Variants in IQSEC1 observed in about 807,000 individuals in gnomAD.
The protein encoded by IQSEC1 is IQ motif and SEC7 domain-containing protein 1.
In IQSEC1, 31 loss-of-function variants were observed where a neutral mutation model predicts 91.0. That is an observed-to-expected ratio of 0.34 (90% CI 0.26 to 0.46). The LOEUF (loss-of-function observed/expected upper bound fraction) is 0.46. Ranked by LOEUF, IQSEC1 falls within the 20% of genes least tolerant of loss-of-function variation. The pLI is 1.00. For synonymous variants in IQSEC1, 699 were observed against 662.6 expected (o/e 1.05, Z -0.84); for missense variants, 1,388 against 1,575.6 (o/e 0.88, Z 2.02).
intron 1 of IQSEC1, among the ~76,000 whole-genome samples, chr3:13,170,605 G>A (rs115341420): frequency 0.014 from 2,060 of 152,342 alleles, 23 homozygotes; most frequent in Middle Eastern, 0.031. Context: ...CTTCCAGAGC[G>A]CCAGGGTAAT....
chr3:13,195,565 C>T (rs796967493), intron 1 of IQSEC1, among the ~76,000 whole-genome samples: 16 of 152,300 alleles, frequency 1.1e-4, no homozygotes, highest in African/African-American at 3.8e-4. Context: ...TGGATACACA[C>T]GACAGCTTGG....
intron 2 of IQSEC1, among the ~76,000 whole-genome samples, chr3:13,128,636 C>T (rs1039308265): frequency 6.6e-6 from 1 of 152,050 alleles, no homozygotes; most frequent in African/African-American, 2.4e-5. Flanking sequence ...GAGGCCGAGG[C>T]GGGCGGATCA....
chr3:13,227,390 A>AAAAG (rs1694773417), intron 1 of IQSEC1, among the ~76,000 whole-genome samples: 1 of 150,076 alleles, frequency 6.7e-6, no homozygotes, highest in East Asian at 1.9e-4. Flanking sequence ...AAAAAAAAAA[A>AAAAG]AAAAAAGAAA....
At chr3:12,968,005 A>G (rs1444351849) in intron 1 of IQSEC1, among the ~76,000 whole-genome samples, 1 of 152,204 alleles carries the variant, frequency 6.6e-6, no homozygotes, top group African/African-American at 2.4e-5. Flanking sequence ...TCCAGGTCCC[A>G]GCGCGCGAAG....
chr3:12,954,448 T>A (rs1053657469), intron 1 of IQSEC1, among the ~76,000 whole-genome samples: 1 of 152,110 alleles, frequency 6.6e-6, no homozygotes, highest in Non-Finnish European at 1.5e-5. Flanking sequence ...CTGGGGCATG[T>A]GGATGGCAGC....
chr3:13,203,004 T>C (rs371930182), intron 1 of IQSEC1, among the ~76,000 whole-genome samples: 21 of 152,308 alleles, frequency 1.4e-4, no homozygotes, highest in African/African-American at 4.1e-4. Flanking sequence ...TGCCTGGCTC[T>C]GTGTCCTAGG....
rs142991487 is a variant in IQSEC1, at chr3:13,022,527, G to C, written c.23+50465C>G. 1.1e-3 allele frequency: 1,050 copies of C among 915,526 alleles called. 9 individuals carry two copies. The African/African-American group carries it at 0.014, about 12-fold the overall frequency. The allele number at this position is 915,526 out of a possible 1,614,324, so 56.7% of individuals were successfully genotyped here. ...GCCGGTGAGGAAAAGCTCAGCTGCC[G>C]GAGCCCAGGGGCTGGCCCTGCGTCC... On this transcript the variant is annotated intron_variant, in intron 1 of 13. Coordinates refer to ENST00000613206, the MANE Select transcript of IQSEC1 (RefSeq NM_001134382.3).
At chr3:12,934,100 G>A (rs1206267894) in intron 3 of IQSEC1, among the ~76,000 whole-genome samples, 1 of 152,194 alleles carries the variant, frequency 6.6e-6, no homozygotes. Flanking sequence ...CGTGTCAGGT[G>A]GGCCAGCAGG....
intron 2 of IQSEC1, among the ~76,000 whole-genome samples, chr3:13,142,034 T>A (rs1363388766): frequency 6.6e-6 from 1 of 152,280 alleles, no homozygotes; most frequent in African/African-American, 2.4e-5. Context: ...TCCTCCCCTG[T>A]CTGAGTGACC....
chr3:13,013,220 C>T (rs1396322248), intron 1 of IQSEC1, among the ~76,000 whole-genome samples: 1 of 152,162 alleles, frequency 6.6e-6, no homozygotes, highest in African/African-American at 2.4e-5. Context: ...CTTGGCCTCC[C>T]AAGGTCTGGG....
At chr3:12,928,283 G>C (rs187596472) in intron 3 of IQSEC1, among the ~76,000 whole-genome samples, 9 of 152,342 alleles carry the variant, frequency 5.9e-5, no homozygotes, top group African/African-American at 2.2e-4. Flanking sequence ...GGAGCAGTGA[G>C]TCCAGGATGG....
chr3:13,104,836 G>T (rs1444292027), intron 2 of IQSEC1, among the ~76,000 whole-genome samples: 2 of 152,214 alleles, frequency 1.3e-5, no homozygotes, highest in African/African-American at 4.8e-5. Flanking sequence ...TGGTCGGGGG[G>T]TGAAACAAGC....
chr3:13,125,206 G>C (rs1019149049), intron 2 of IQSEC1, among the ~76,000 whole-genome samples: 17 of 152,064 alleles, frequency 1.1e-4, no homozygotes, highest in African/African-American at 3.9e-4. Flanking sequence ...CCCCAGCTAG[G>C]GGCCTTTGCT....
At position 12,897,511 on chromosome 3, in the gene IQSEC1, G is replaced by C. The variant is rs1455899033; in HGVS notation, c.*3472C>G. On this transcript the variant is annotated 3_prime_UTR_variant, in exon 14 of 14. Transcript: ENST00000613206. ...TGCAGTCTCGATGTGACTGCACACA[G>C]AAGGGCGATGCAGATGCATCTGAAT... The C allele has an allele frequency of 6.6e-6, 1 of 152,240 alleles. No individual in the cohort carries two copies. Among genetic ancestry groups the C allele is most frequent in the Middle Eastern group, 3.2e-3 (1 of 316 alleles). 9.4% of individuals were successfully genotyped at this position (152,240 alleles called of 1,614,324 possible).
At chr3:12,974,472 C>T (rs940830681) in intron 1 of IQSEC1, among the ~76,000 whole-genome samples, 3 of 152,260 alleles carry the variant, frequency 2.0e-5, no homozygotes, top group Admixed American at 6.5e-5. Flanking sequence ...GTTGGGTGAG[C>T]TGGACTGCCT....
intron 1 of IQSEC1, among the ~76,000 whole-genome samples, chr3:13,202,658 G>T (rs999491067): frequency 6.6e-6 from 1 of 152,120 alleles, no homozygotes; most frequent in East Asian, 1.9e-4. Context: ...TGTTTCATGG[G>T]GACAGAGTTT....
chr3:13,169,311 C>CT (rs1693562199), intron 1 of IQSEC1, among the ~76,000 whole-genome samples: 1 of 152,238 alleles, frequency 6.6e-6, no homozygotes, highest in Non-Finnish European at 1.5e-5. Flanking sequence ...CTTGCTCCTC[C>CT]TTGCCTTCTG....
At chr3:12,915,857 A>C (rs1213678924) in intron 6 of IQSEC1, 124 bp from the exon 7 acceptor site, 8 of 1,110,280 alleles carry the variant, frequency 7.2e-6, no homozygotes, top group Non-Finnish European at 1.0e-5. Flanking sequence ...ACTCCCAGGC[A>C]GGCCCACAGC....
intron 1 of IQSEC1, among the ~76,000 whole-genome samples, chr3:13,222,276 G>A (rs755958715): frequency 6.6e-6 from 1 of 152,056 alleles, no homozygotes; most frequent in African/African-American, 2.4e-5. Context: ...GCATCCTGTC[G>A]TCCAGGTTCA....
Sources: allele counts gnomAD v4.1 joint callset (sites outside exome capture counted in the v4.1 genomes callset), GRCh38; gene constraint gnomAD v4.1.1; transcripts MANE v1.5; gene names NCBI Gene and HGNC (gene_info 2026-07-23, HGNC 2026-07-21).